Variants in CMSS1 observed in about 807,000 individuals in gnomAD.
CMSS1 encodes the protein cms1 ribosomal small subunit homolog.
A neutral mutation model predicts 43.5 loss-of-function variants in CMSS1; 33 were observed. That is an observed-to-expected ratio of 0.76 (90% CI 0.57 to 1.01). The LOEUF (loss-of-function observed/expected upper bound fraction) is 1.01, where lower values mean the gene tolerates loss of function less well. Among genes scored for constraint, CMSS1 ranks in the 50% least tolerant of loss-of-function variants. The probability of loss-of-function intolerance (pLI) is 0.00; values close to 1 mark genes in which losing one functional copy is unlikely to be tolerated. For synonymous variants in CMSS1, 115 were observed against 117.2 expected (o/e 0.98, Z 0.12); for missense variants, 313 against 326.4 (o/e 0.96, Z 0.32).
rs2067177991 is a variant in CMSS1, at chr3:100,180,516, C to T, written c.*2128C>T. On this transcript the variant is annotated 3_prime_UTR_variant, in exon 10 of 10. Coordinates refer to ENST00000421999, the MANE Select transcript of CMSS1 (RefSeq NM_032359.4). Reference sequence around the variant, plus strand: ...TCCCAAGTTCAAAGTTACACAGATCCCTAAAGCAGGGGCACAATGCCACCA... The same window carrying T: ...TCCCAAGTTCAAAGTTACACAGATCTCTAAAGCAGGGGCACAATGCCACCA... The T allele has an allele frequency of 6.6e-6, 1 of 152,166 alleles. No individual in the cohort carries two copies. The highest frequency in any genetic ancestry group is 1.5e-5 in the Non-Finnish European group (1 of 68,024). 9.4% of individuals were successfully genotyped at this position (152,166 alleles called of 1,614,324 possible). A position where few individuals can be genotyped will look rare whatever the true frequency, so the allele number is the denominator to read the frequency against.
At chr3:100,082,568 C>T (rs1428143200) in intron 1 of CMSS1, among the ~76,000 whole-genome samples, 1 of 152,162 alleles carries the variant, frequency 6.6e-6, no homozygotes, top group Non-Finnish European at 1.5e-5. Context: ...TTTGAAGACC[C>T]TAAACAGCAG....
intron 1 of CMSS1, among the ~76,000 whole-genome samples, chr3:99,825,219 G>A (rs951008549): frequency 1.3e-5 from 2 of 152,168 alleles, no homozygotes; most frequent in African/African-American, 4.8e-5. Flanking sequence ...ATAATCATTC[G>A]TCAAGCTCTC....
intron 1 of CMSS1, among the ~76,000 whole-genome samples, chr3:100,027,438 C>T (rs568819400): frequency 6.6e-6 from 1 of 152,192 alleles, no homozygotes; most frequent in African/African-American, 2.4e-5. Flanking sequence ...CTTCTTTTGG[C>T]CTAGAGTCAA....
intron 1 of CMSS1, among the ~76,000 whole-genome samples, chr3:99,909,904 A>G (rs1042153295): frequency 2.0e-5 from 3 of 152,150 alleles, no homozygotes; most frequent in Non-Finnish European, 4.4e-5. Context: ...CTTCATATTC[A>G]GAGTTCATTT....
chr3:99,850,270 A>G, intron 1 of CMSS1: 1 of 1,613,718 alleles, frequency 6.2e-7, no homozygotes, highest in Non-Finnish European at 8.5e-7. Context: ...TAGCTCTTTG[A>G]TCCTTACTTT....
intron 1 of CMSS1, among the ~76,000 whole-genome samples, chr3:99,858,697 A>T (rs565002197): frequency 6.6e-6 from 1 of 152,322 alleles, no homozygotes; most frequent in South Asian, 2.1e-4. Flanking sequence ...CACGTCATGG[A>T]GCCTCTGGAA....
chr3:100,030,636 T>C (rs994422617), intron 1 of CMSS1, among the ~76,000 whole-genome samples: 6 of 152,166 alleles, frequency 3.9e-5, no homozygotes, highest in Non-Finnish European at 7.4e-5. Context: ...TTTGGAATCA[T>C]GAGTAATCAT....
At chr3:99,873,109 G>A (rs1705320542) in intron 1 of CMSS1, among the ~76,000 whole-genome samples, 1 of 152,166 alleles carries the variant, frequency 6.6e-6, no homozygotes, top group Non-Finnish European at 1.5e-5. Context: ...GACTGGGTTG[G>A]TGGCTAGAAA....
rs71907944 is a variant in CMSS1, at chr3:100,062,093, C to CTTTTTTTTTTTTTTTTT, written c.65-84860_65-84844dup. On this transcript the variant is annotated intron_variant, in intron 1 of 9. Coordinates refer to ENST00000421999, the MANE Select transcript of CMSS1 (RefSeq NM_032359.4). Reference sequence around the variant, plus strand: ...CCACTTGTGGTTATCCTGTCTTCTTCTTTTTTTTTTTTTTTTTTTTTTTTT... The same window carrying CTTTTTTTTTTTTTTTTT: ...CCACTTGTGGTTATCCTGTCTTCTTCTTTTTTTTTTTTTTTTTTTTTTTTTTTTTTTTTTTTTTTTTT... Among the ~76,000 whole-genome samples, 22 of 53,182 alleles carry CTTTTTTTTTTTTTTTTT rather than the reference C, an allele frequency of 4.1e-4. 6 individuals carry two copies. The highest frequency in any genetic ancestry group is 7.1e-4 in the African/African-American group (8 of 11,244). The allele number at this position is 53,182 out of a possible 152,430, so 34.9% of individuals were successfully genotyped here.
At position 100,178,292 on chromosome 3, in the gene CMSS1, TTC is replaced by T. The variant is rs1427989242; in HGVS notation, c.757-8_757-7del. 1 of 1,575,828 alleles carries T rather than the reference TTC, an allele frequency of 6.3e-7. No homozygotes were observed. The highest frequency in any genetic ancestry group is 1.3e-5 in the African/African-American group (1 of 74,174). ...GATCTTAATCTTTTTTTCCCCCCTTTTCTCTCATTTAGATAAGAAAGGAGGTA... is the reference window on the plus strand; with the variant it reads ...GATCTTAATCTTTTTTTCCCCCCTTTTCTCATTTAGATAAGAAAGGAGGTA... On this transcript the variant is annotated splice_polypyrimidine_tract_variant and intron_variant, in intron 9 of 9. Coordinates refer to ENST00000421999, the MANE Select transcript of CMSS1 (RefSeq NM_032359.4).
At chr3:100,004,134 CT>C (rs1709922032) in intron 1 of CMSS1, among the ~76,000 whole-genome samples, 1 of 152,052 alleles carries the variant, frequency 6.6e-6, no homozygotes, top group African/African-American at 2.4e-5. Context: ...TGATGCCTTC[CT>C]AGGGGATTTG....
At chr3:100,021,949 GT>G (rs2064827876) in intron 1 of CMSS1, among the ~76,000 whole-genome samples, 1 of 130,714 alleles carries the variant, frequency 7.7e-6, no homozygotes. Flanking sequence ...GTGTGTGTGT[GT>G]GTGTGTGTGT....
intron 1 of CMSS1, among the ~76,000 whole-genome samples, chr3:99,948,350 A>G (rs539313112): frequency 1.3e-5 from 2 of 152,116 alleles, no homozygotes; most frequent in African/African-American, 4.8e-5. Context: ...AAATTAAAAA[A>G]TTTTTTAAAA....
chr3:100,007,784 A>G (rs1029736727), intron 1 of CMSS1, among the ~76,000 whole-genome samples: 1 of 152,190 alleles, frequency 6.6e-6, no homozygotes, highest in African/African-American at 2.4e-5. Flanking sequence ...TAGAAAAAAT[A>G]TATTAGTTAT....
chr3:99,964,453 G>A (rs747621267), intron 1 of CMSS1: 3 of 152,730 alleles, frequency 2.0e-5, no homozygotes, highest in Non-Finnish European at 4.4e-5. Context: ...TTACATTATA[G>A]TGAGGCAGTC....
chr3:99,933,277 A>G (rs998010646), intron 1 of CMSS1, among the ~76,000 whole-genome samples: 27 of 152,200 alleles, frequency 1.8e-4, no homozygotes, highest in Non-Finnish European at 2.2e-4. Context: ...CTATTTACAA[A>G]TACGGTATAG....
intron 1 of CMSS1, among the ~76,000 whole-genome samples, chr3:99,880,189 C>A (rs964143112): frequency 1.3e-5 from 2 of 152,132 alleles, no homozygotes; most frequent in African/African-American, 2.4e-5. Context: ...TCTCTCCATG[C>A]CCTAGACAAT....
At chr3:100,101,296 G>T (rs1404485750) in intron 1 of CMSS1, among the ~76,000 whole-genome samples, 1 of 152,198 alleles carries the variant, frequency 6.6e-6, no homozygotes, top group Non-Finnish European at 1.5e-5. Context: ...CTGCCTATGA[G>T]GAGAGGGAGT....
chr3:99,948,721 G>A (rs10936003), intron 1 of CMSS1, among the ~76,000 whole-genome samples: 73,316 of 149,538 alleles, frequency 0.49, 18,422 homozygotes, highest in East Asian at 0.69. Flanking sequence ...GAAGGGAAAG[G>A]GAAGTGGAAG....
Sources: gnomAD v4.1 joint callset for allele counts (sites outside exome capture counted in the v4.1 genomes callset) on GRCh38, gnomAD v4.1.1 for gene constraint, MANE v1.5 for transcripts, NCBI Gene and HGNC (gene_info 2026-07-23, HGNC 2026-07-21) for gene names.